The following CTNNA3 variants were observed in gnomAD, a reference collection of about 807,000 sequenced individuals.
CTNNA3 encodes catenin alpha-3.
A neutral mutation model predicts 95.7 loss-of-function variants in CTNNA3; 76 were observed. That is an observed-to-expected ratio of 0.79 (90% confidence interval 0.66 to 0.96). The LOEUF is 0.96. Ranked by LOEUF, CTNNA3 falls within the 40% of genes least tolerant of loss-of-function variation. The pLI is 0.00. For missense variants in CTNNA3, 1,191 were observed against 1,089.8 expected, an observed-to-expected ratio of 1.09 and a Z score of -1.31; for synonymous variants, 431 against 374.4, an observed-to-expected ratio of 1.15 and a Z score of -1.74.
intron 5 of CTNNA3, among the ~76,000 whole-genome samples, chr10:67,377,288 A>G (rs1441080462): frequency 6.6e-6 from 1 of 152,206 alleles, no homozygotes; most frequent in East Asian, 1.9e-4. Flanking sequence ...TAGCAGCATC[A>G]GGGAGAAGAA....
chr10:66,295,235 T>G (rs918611621), intron 12 of CTNNA3, among the ~76,000 whole-genome samples: 1 of 152,246 alleles, frequency 6.6e-6, no homozygotes, highest in Non-Finnish European at 1.5e-5. Context: ...ACTTGTCTTT[T>G]TTTTAGAATT....
intron 5 of CTNNA3, among the ~76,000 whole-genome samples, chr10:67,494,141 C>T (rs1424876827): frequency 6.6e-6 from 1 of 152,096 alleles, no homozygotes; most frequent in Non-Finnish European, 1.5e-5. Context: ...GCTATCCAAA[C>T]CAGATGAAAT....
intron 17 of CTNNA3, among the ~76,000 whole-genome samples, chr10:65,944,627 A>G (rs554551363): frequency 6.6e-6 from 1 of 152,320 alleles, no homozygotes; most frequent in South Asian, 2.1e-4. Flanking sequence ...ATTCACTCAT[A>G]TGTCCATGCA....
intron 7 of CTNNA3, among the ~76,000 whole-genome samples, chr10:66,915,211 G>C (rs1490921719): frequency 1.4e-5 from 2 of 143,690 alleles, no homozygotes; most frequent in South Asian, 2.2e-4. Flanking sequence ...AAAAAAGCAC[G>C]AACCAAAGTA....
chr10:66,148,027 T>C (rs1320213232), intron 13 of CTNNA3, among the ~76,000 whole-genome samples: 4 of 151,754 alleles, frequency 2.6e-5, no homozygotes. Flanking sequence ...CTCATTATTG[T>C]TTTATTTCCT....
chr10:67,636,627 T>C (rs776914700), intron 2 of CTNNA3, among the ~76,000 whole-genome samples: 37 of 151,880 alleles, frequency 2.4e-4, no homozygotes, highest in Non-Finnish European at 3.2e-4. Flanking sequence ...ATGCAGAAAA[T>C]TGAAACTGGA....
chr10:67,470,590 G>C (rs1002390414), intron 5 of CTNNA3, among the ~76,000 whole-genome samples: 1 of 152,002 alleles, frequency 6.6e-6, no homozygotes, highest in African/African-American at 2.4e-5. Flanking sequence ...CCTTAGACAA[G>C]TGATGTTTCC....
chr10:66,041,604 T>C (rs2079689611), intron 15 of CTNNA3, among the ~76,000 whole-genome samples: 1 of 152,098 alleles, frequency 6.6e-6, no homozygotes, highest in South Asian at 2.1e-4. Flanking sequence ...GATGAGCAGG[T>C]TCTTTGCTGT....
intron 5 of CTNNA3, among the ~76,000 whole-genome samples, chr10:67,243,407 T>C (rs1865791644): frequency 6.6e-6 from 1 of 152,124 alleles, no homozygotes; most frequent in South Asian, 2.1e-4. Flanking sequence ...GAAGTGCACG[T>C]GAACACAAGG....
At chr10:66,322,387 T>A (rs2092201240) in intron 12 of CTNNA3, among the ~76,000 whole-genome samples, 1 of 152,026 alleles carries the variant, frequency 6.6e-6, no homozygotes, top group Non-Finnish European at 1.5e-5. Context: ...TGGAGGCACT[T>A]CCTAGATTTA....
chr10:67,529,710 T>A (rs1840264327), intron 4 of CTNNA3, among the ~76,000 whole-genome samples: 1 of 151,000 alleles, frequency 6.6e-6, no homozygotes, highest in African/African-American at 2.4e-5. Context: ...GAAAAAAAAA[T>A]TTCTTCTTCC....
chr10:67,708,434 G>A (rs1189563336), intron 1 of CTNNA3, among the ~76,000 whole-genome samples: 2 of 152,020 alleles, frequency 1.3e-5, no homozygotes, highest in African/African-American at 4.8e-5. Flanking sequence ...ACTTGCTTCT[G>A]CAGCTTTGAA....
chr10:65,938,004 A>C (rs1670154), intron 17 of CTNNA3, among the ~76,000 whole-genome samples: 68,941 of 151,808 alleles, frequency 0.45, 15,987 homozygotes, highest in East Asian at 0.63. Context: ...TGTATTAGTT[A>C]TTCTGATGTT....
At chr10:67,627,173 G>C (rs1838986892) in intron 2 of CTNNA3, among the ~76,000 whole-genome samples, 1 of 152,100 alleles carries the variant, frequency 6.6e-6, no homozygotes, top group South Asian at 2.1e-4. Flanking sequence ...AGCCCAATAT[G>C]GCCCCATCCT....
At chr10:66,725,331 A>C (rs943135398) in intron 9 of CTNNA3, among the ~76,000 whole-genome samples, 1 of 152,152 alleles carries the variant, frequency 6.6e-6, no homozygotes, top group African/African-American at 2.4e-5. Context: ...AATATGCTTT[A>C]GGTGATCTTT....
At chr10:66,829,264 T>C (rs889869138) in intron 7 of CTNNA3, among the ~76,000 whole-genome samples, 3 of 152,220 alleles carry the variant, frequency 2.0e-5, no homozygotes, top group African/African-American at 7.2e-5. Flanking sequence ...TTTAACTCTT[T>C]CTTTCATGTA....
At chr10:67,437,255 T>C (rs1456411499) in intron 5 of CTNNA3, among the ~76,000 whole-genome samples, 1 of 152,092 alleles carries the variant, frequency 6.6e-6, no homozygotes, top group African/African-American at 2.4e-5. Context: ...CTCACTGATA[T>C]GTGGGAGGTA....
At chr10:66,753,146 G>C (rs1839227068) in intron 9 of CTNNA3, among the ~76,000 whole-genome samples, 1 of 152,088 alleles carries the variant, frequency 6.6e-6, no homozygotes, top group Non-Finnish European at 1.5e-5. Context: ...GTGGTGCAGA[G>C]ATCTACCTAT....
intron 12 of CTNNA3, among the ~76,000 whole-genome samples, chr10:66,284,441 G>C (rs549374116): frequency 6.6e-6 from 1 of 151,970 alleles, no homozygotes; most frequent in African/African-American, 2.4e-5. Flanking sequence ...CTTTTGATAA[G>C]TAAAGTCCAT....
Sources: allele counts gnomAD v4.1 joint callset (sites outside exome capture counted in the v4.1 genomes callset), GRCh38; gene constraint gnomAD v4.1.1; transcripts MANE v1.5; gene names NCBI Gene and HGNC (gene_info 2026-07-23, HGNC 2026-07-21).